NAV1: variants seen among roughly 807,000 people sequenced by gnomAD.
NAV1 encodes the protein pore membrane and/or filament interacting like protein 3.
NAV1 carries 18 observed loss-of-function variants against 175.2 expected under a neutral mutation model. That is an observed-to-expected ratio of 0.10 (90% CI 0.07 to 0.15). NAV1 has a LOEUF of 0.15. Among genes scored for constraint, NAV1 ranks in the 10% least tolerant of loss-of-function variants. NAV1 has a pLI of 1.00. For missense variants in NAV1, 1,731 were observed against 2,436.6 expected, an observed-to-expected ratio of 0.71 and a Z score of 6.10; for synonymous variants, 897 against 978.7, an observed-to-expected ratio of 0.92 and a Z score of 1.56.
intron 2 of NAV1, among the ~76,000 whole-genome samples, chr1:201,633,681 GA>G (rs1390149731): frequency 6.6e-6 from 1 of 152,238 alleles, no homozygotes; most frequent in East Asian, 1.9e-4. Flanking sequence ...ATTTCATGCT[GA>G]GTTCACACTG....
intron 2 of NAV1, among the ~76,000 whole-genome samples, chr1:201,598,840 C>A (rs1055421686): frequency 2.0e-5 from 3 of 152,116 alleles, no homozygotes; most frequent in Admixed American, 6.5e-5. Flanking sequence ...AGTTTGGGGA[C>A]AGAAGTAAGT....
chr1:201,655,763 G>A (rs1231004720), intron 1 of NAV1, among the ~76,000 whole-genome samples: 2 of 152,238 alleles, frequency 1.3e-5, no homozygotes, highest in Non-Finnish European at 1.5e-5. Flanking sequence ...TGGCATGGCT[G>A]TCCAGTGTGG....
intron 3 of NAV1, among the ~76,000 whole-genome samples, chr1:201,756,585 A>G (rs1262084749): frequency 6.6e-6 from 1 of 152,184 alleles, no homozygotes; most frequent in African/African-American, 2.4e-5. Flanking sequence ...TCTCCTTCAT[A>G]ATGCCTTAAA....
intron 1 of NAV1, among the ~76,000 whole-genome samples, chr1:201,675,052 C>T (rs1670193849): frequency 6.7e-6 from 1 of 149,028 alleles, no homozygotes. Context: ...AAAAAAAGAA[C>T]TCACTATGGC....
At chr1:201,607,886 G>GTGTGTGTA (rs1471887604) in intron 2 of NAV1, among the ~76,000 whole-genome samples, 2 of 126,024 alleles carry the variant, frequency 1.6e-5, no homozygotes, top group South Asian at 2.6e-4. Context: ...GTGTGTGTGT[G>GTGTGTGTA]TGTGTGTGTG....
intron 1 of NAV1, among the ~76,000 whole-genome samples, chr1:201,574,457 C>G (rs1666636974): frequency 6.6e-6 from 1 of 152,126 alleles, no homozygotes; most frequent in Admixed American, 6.5e-5. Context: ...CACTCGGAGT[C>G]AGGATGGGCC....
intron 1 of NAV1, among the ~76,000 whole-genome samples, chr1:201,662,841 A>G (rs1669666544): frequency 7.2e-6 from 1 of 139,840 alleles, no homozygotes. Flanking sequence ...CTTTGTTTCA[A>G]TTCAGCCCTG....
At chr1:201,593,126 G>A (rs1394395939) in intron 2 of NAV1, among the ~76,000 whole-genome samples, 1 of 152,182 alleles carries the variant, frequency 6.6e-6, no homozygotes, top group Non-Finnish European at 1.5e-5. Context: ...GGCTGAGTAG[G>A]GGCTGCAACT....
intron 1 of NAV1, among the ~76,000 whole-genome samples, chr1:201,563,955 G>A (rs1164184541): frequency 6.6e-6 from 1 of 151,984 alleles, no homozygotes; most frequent in African/African-American, 2.4e-5. Context: ...AAATTAGCCA[G>A]GCATGGTAGT....
At chr1:201,663,921 C>T (rs1229425668) in intron 1 of NAV1, among the ~76,000 whole-genome samples, 3 of 152,214 alleles carry the variant, frequency 2.0e-5, no homozygotes, top group South Asian at 2.1e-4. Context: ...CATTTTCCCA[C>T]ACTCTGCATA....
Position 201,776,457 on chromosome 1 carries a change from C to T in NAV1, c.1227-3964C>T, listed in dbSNP as rs367624429. On this transcript the variant is annotated intron_variant, in intron 3 of 29. Transcript: ENST00000367296. ...GAGATCGAGACCATTCTGGCTAACA[C>T]GGTGAAACCCCATCTCTACTAAATA... 5.5e-4 allele frequency among the ~76,000 whole-genome samples: 83 copies of T among 151,382 alleles called. 1 individual carries two copies. Among genetic ancestry groups the T allele is most frequent in the African/African-American group, 1.8e-3 (76 of 41,276 alleles).
Position 201,740,106 on chromosome 1 carries a change from G to A in NAV1, c.1226+21351G>A. 1 of 1,426,206 alleles carries A rather than the reference G, an allele frequency of 7.0e-7. No individual in the cohort carries two copies. The highest frequency in any genetic ancestry group is 9.2e-7 in the Non-Finnish European group (1 of 1,089,200). 88.3% of individuals were successfully genotyped at this position (1,426,206 alleles called of 1,614,324 possible). On this transcript the variant is annotated intron_variant, in intron 3 of 29. Coordinates refer to ENST00000367296, the Ensembl canonical transcript of NAV1. The surrounding 1 kb of genome is among the most constrained non-coding windows in gnomAD (Gnocchi z 4.7). ...GCGCCCCCACCCCCCTGGCCTCACC[G>A]CCAGACCGCAGAGCTGGGGTCGGGT... is the stretch of plus-strand genomic sequence containing the variant.
chr1:201,707,919 G>A (rs942557958), intron 1 of NAV1, among the ~76,000 whole-genome samples: 1 of 152,216 alleles, frequency 6.6e-6, no homozygotes, highest in African/African-American at 2.4e-5. Context: ...ACACCATATT[G>A]TAGTGGAAAG....
chr1:201,786,662 T>G, intron 9 of NAV1, 85 bp downstream of exon 13: 1 of 1,368,040 alleles, frequency 7.3e-7, no homozygotes, highest in African/African-American at 1.4e-5. Flanking sequence ...GGCTTTGGGT[T>G]TCATCTCATG....
chr1:201,818,936 GA>G (rs1679228919), intron 29 of NAV1, among the ~76,000 whole-genome samples: 1 of 152,176 alleles, frequency 6.6e-6, no homozygotes, highest in Non-Finnish European at 1.5e-5. Flanking sequence ...AGACAGAAGA[GA>G]ATTGTGGAGA....
At chr1:201,643,091 CTT>C (rs113268097) in intron 2 of NAV1, among the ~76,000 whole-genome samples, 3,806 of 148,904 alleles carry the variant, frequency 0.026, 146 homozygotes, top group African/African-American at 0.092. Flanking sequence ...CTCTTTCTTT[CTT>C]TTTCTCTTTC....
At position 201,682,286 on chromosome 1, in the gene NAV1, A is replaced by G. The variant is rs190806698; in HGVS notation, c.758-30531A>G. Among the ~76,000 whole-genome samples the G allele has an allele frequency of 3.4e-4, 50 of 147,190 alleles. No homozygotes were observed. In the East Asian group the frequency reaches 7.3e-3, roughly 22 times the overall value. ...GGGCAAAAGAGCAAGACTCCATCTC[A>G]AAAAAAAAAAGAAAGAGAAAAATGT... On this transcript the variant is annotated intron_variant, in intron 1 of 29. Transcript: ENST00000367296.
chr1:201,645,102 G>A (rs549493495), upstream of NAV1, among the ~76,000 whole-genome samples: 14 of 152,240 alleles, frequency 9.2e-5, no homozygotes, highest in East Asian at 1.7e-3. Context: ...ACATGCACAC[G>A]TATGTTTATA....
chr1:201,575,013 C>T (rs941675326), intron 1 of NAV1, among the ~76,000 whole-genome samples: 4 of 152,210 alleles, frequency 2.6e-5, no homozygotes, highest in Admixed American at 2.6e-4. Context: ...CTAATCCTTG[C>T]CTGGAAAAGC....
Sources: allele counts gnomAD v4.1 joint callset (sites outside exome capture counted in the v4.1 genomes callset), GRCh38; gene constraint gnomAD v4.1.1; non-coding constraint Gnocchi (gnomAD v3.1); transcripts MANE v1.5; gene names NCBI Gene and HGNC (gene_info 2026-07-23, HGNC 2026-07-21).